Variants in RICTOR observed in about 807,000 individuals in gnomAD.
RICTOR encodes rapamycin-insensitive companion of mTOR.
In RICTOR, 49 loss-of-function variants were observed where a neutral mutation model predicts 214.9. That is an observed-to-expected ratio of 0.23 (90% CI 0.18 to 0.29). RICTOR has a LOEUF of 0.29. Ranked by LOEUF, RICTOR falls within the 10% of genes least tolerant of loss-of-function variation. The pLI is 1.00. For missense variants in RICTOR, 1,625 were observed against 2,047.0 expected, an observed-to-expected ratio of 0.79 and a Z score of 3.98; for synonymous variants, 717 against 711.3, an observed-to-expected ratio of 1.01 and a Z score of -0.13.
intron 3 of RICTOR, among the ~76,000 whole-genome samples, chr5:39,013,139 T>G (rs919709070): frequency 2.6e-5 from 4 of 152,214 alleles, no homozygotes; most frequent in Admixed American, 1.3e-4. Flanking sequence ...AAAAATTTCT[T>G]TATATTTTAG....
rs138806012 is a variant in RICTOR at position 39,071,576 on chromosome 5, A to G, written c.97+2535T>C. ...TCTTAACCCTTTGAAGTTATCTCTT[A>G]TTTTAGAAATGAAGAAATCAGGGGT... On this transcript the variant is annotated intron_variant, in intron 2 of 37. Transcript: ENST00000357387. Among the ~76,000 whole-genome samples, 172 of 152,260 alleles carry G rather than the reference A, an allele frequency of 1.1e-3. 2 individuals are homozygous for G. The East Asian group carries it at 0.03, about 26-fold the overall frequency.
At chr5:39,010,080 A>G (rs1754384899) in intron 3 of RICTOR, among the ~76,000 whole-genome samples, 2 of 152,160 alleles carry the variant, frequency 1.3e-5, no homozygotes, top group Non-Finnish European at 2.9e-5. Context: ...GAGATAACTG[A>G]ATCATGGGAG....
chr5:39,013,935 C>A (rs1205611310), intron 3 of RICTOR, among the ~76,000 whole-genome samples: 4 of 152,054 alleles, frequency 2.6e-5, no homozygotes, highest in Non-Finnish European at 5.9e-5. Flanking sequence ...ACTTTTCAGT[C>A]AATGATGGAT....
At chr5:39,062,328 G>A (rs990324532) in intron 2 of RICTOR, among the ~76,000 whole-genome samples, 10 of 152,082 alleles carry the variant, frequency 6.6e-5, no homozygotes, top group Admixed American at 5.2e-4. Context: ...TAAATGTTAA[G>A]AGTTCACAGC....
Position 38,978,667 on chromosome 5 carries a change from AGGAAG to A in RICTOR, c.754-22_754-18del. 1.6e-6 allele frequency: 2 copies of A among 1,251,842 alleles called. No homozygotes were observed. Among genetic ancestry groups the A allele is most frequent in the Non-Finnish European group, 2.3e-6 (2 of 876,970 alleles). The allele number at this position is 1,251,842 out of a possible 1,614,324, so 77.5% of individuals were successfully genotyped here. On this transcript the variant is annotated intron_variant, in intron 8 of 37. Transcript: ENST00000357387. ...TAAAATTCTCTATTTAAAAAAAAAA[AGGAAG>A]AAAAGAGTCTTTATTTTAAAATGCA...
chr5:38,945,454 C>T (rs772190937), intron 34 of RICTOR, 37 bp downstream of exon 34: 3 of 1,381,734 alleles, frequency 2.2e-6, no homozygotes, highest in Non-Finnish European at 3.1e-6. Flanking sequence ...CTTTAGTCAT[C>T]ACTAGGTTTT....
intron 7 of RICTOR, 78 bp from the exon 8 acceptor site, chr5:38,982,114 T>C (rs1751760490): frequency 8.4e-6 from 9 of 1,065,312 alleles, no homozygotes; most frequent in East Asian, 2.5e-5. Context: ...TAAAACTTAA[T>C]TGCCTTTCTG....
intron 37 of RICTOR, 94 bp from the exon 38 acceptor site, chr5:38,942,472 T>C (rs940387775): frequency 1.9e-4 from 108 of 570,130 alleles, no homozygotes; most frequent in Non-Finnish European, 2.9e-4. Flanking sequence ...TTTTTTGAGA[T>C]AGGGTCTTGC....
At chr5:38,959,403 T>C (rs1749593005) in intron 21 of RICTOR, 82 bp from the exon 22 acceptor site, 1 of 778,194 alleles carries the variant, frequency 1.3e-6, no homozygotes, top group East Asian at 2.8e-5. Flanking sequence ...TTTCCAGCTT[T>C]ACTGAAGTAT....
At chr5:38,980,958 A>G (rs1751671946) in intron 8 of RICTOR, 1 of 152,212 alleles carries the variant, frequency 6.6e-6, no homozygotes, top group South Asian at 2.1e-4. Context: ...AAAGCTAAAC[A>G]TATTATAAAA....
At chr5:38,984,683 T>C (rs1325477466) in intron 7 of RICTOR, among the ~76,000 whole-genome samples, 1 of 152,194 alleles carries the variant, frequency 6.6e-6, no homozygotes, top group Admixed American at 6.5e-5. Flanking sequence ...ACTTTTGTTA[T>C]CATTTATCAC....
intron 3 of RICTOR, among the ~76,000 whole-genome samples, chr5:39,007,078 T>C (rs983024310): frequency 1.3e-5 from 2 of 152,248 alleles, no homozygotes; most frequent in African/African-American, 4.8e-5. Flanking sequence ...ACCAACCATA[T>C]ACCTAAAATT....
At chr5:39,061,364 AC>A (rs1214432207) in intron 2 of RICTOR, among the ~76,000 whole-genome samples, 1 of 152,098 alleles carries the variant, frequency 6.6e-6, no homozygotes, top group Non-Finnish European at 1.5e-5. Context: ...CAACAAAGGA[AC>A]AAACCACTGT....
intron 32 of RICTOR, 88 bp downstream of exon 32, chr5:38,947,176 C>T (rs937925008): frequency 1.6e-5 from 15 of 929,928 alleles, no homozygotes; most frequent in Non-Finnish European, 2.3e-5. Flanking sequence ...TGGTGCCCAC[C>T]CTAAATTATG....
intron 2 of RICTOR, among the ~76,000 whole-genome samples, chr5:39,057,805 T>C (rs1421384475): frequency 6.6e-6 from 1 of 152,150 alleles, no homozygotes; most frequent in African/African-American, 2.4e-5. Flanking sequence ...CCCAACTCAC[T>C]GTTTTCCACA....
chr5:39,035,683 A>G (rs992404688), intron 2 of RICTOR, among the ~76,000 whole-genome samples: 3 of 152,260 alleles, frequency 2.0e-5, no homozygotes, highest in Non-Finnish European at 4.4e-5. Context: ...CACAAGCCTC[A>G]GTAGCCGATT....
chr5:38,948,936 C>T (rs1748457659), intron 31 of RICTOR, among the ~76,000 whole-genome samples: 1 of 152,010 alleles, frequency 6.6e-6, no homozygotes, highest in Non-Finnish European at 1.5e-5. Flanking sequence ...AAATAGCTAA[C>T]TTTTATTGAG....
At chr5:38,984,364 T>C (rs1751982836) in intron 7 of RICTOR, among the ~76,000 whole-genome samples, 1 of 152,230 alleles carries the variant, frequency 6.6e-6, no homozygotes, top group African/African-American at 2.4e-5. Flanking sequence ...TTAAGACTTT[T>C]ACTGGTTTTT....
rs1364147652 is a variant in RICTOR, at chr5:38,950,625, G to A, written c.3223C>T (p.Arg1075Ter). Reference protein sequence around the residue: ...NEDTEPTFYDRSGPIKDKNSF... With the variant: ...NEDTEPTFYD ...TTTTTATCCTTTATGGGTCCAGATC[G>A]GTCATAAAATGTTGGCTCTGTATCT... Residue 1075 changes from arginine to a stop codon, truncating the protein, a stop_gained, in exon 31 of 38, where the codon CGA becomes TGA. Coordinates refer to ENST00000357387, the MANE Select transcript of RICTOR (RefSeq NM_152756.5). LOFTEE classifies it high-confidence loss of function. 6.2e-7 allele frequency: 1 copy of A among 1,612,662 alleles called. No homozygotes were observed. The highest frequency in any genetic ancestry group is 8.5e-7 in the Non-Finnish European group (1 of 1,179,122).
Sources: allele counts gnomAD v4.1 joint callset (sites outside exome capture counted in the v4.1 genomes callset), GRCh38; gene constraint gnomAD v4.1.1; transcripts MANE v1.5; gene names NCBI Gene and HGNC (gene_info 2026-07-23, HGNC 2026-07-21).